MYO18A: variants seen among roughly 807,000 people sequenced by gnomAD.
The protein encoded by MYO18A is myosin XVIIIA, also known as unconventional myosin-XVIIIa.
A neutral mutation model predicts 235.8 loss-of-function variants in MYO18A; 78 were observed. That is an observed-to-expected ratio of 0.33 (90% confidence interval 0.28 to 0.40). The LOEUF is 0.40. Ranked by LOEUF, MYO18A falls within the 10% of genes least tolerant of loss-of-function variation. MYO18A has a pLI of 1.00. For synonymous variants in MYO18A, 977 were observed against 1,077.8 expected, an observed-to-expected ratio of 0.91 and a Z score of 1.83; for missense variants, 2,215 against 2,699.3, an observed-to-expected ratio of 0.82 and a Z score of 3.98.
chr17:29,124,076 T>C (rs1012068201), intron 2 of MYO18A, among the ~76,000 whole-genome samples: 1 of 151,910 alleles, frequency 6.6e-6, no homozygotes, highest in African/African-American at 2.4e-5. Context: ...TACAATGTTG[T>C]ATATATATAT....
chr17:29,129,719 C>T (rs764948483), intron 2 of MYO18A, among the ~76,000 whole-genome samples: 5 of 152,236 alleles, frequency 3.3e-5, no homozygotes, highest in African/African-American at 4.8e-5. Flanking sequence ...TCACAGTAGG[C>T]GCACCTGGGA....
chr17:29,083,177 C>G (rs1436096176), intron 40 of MYO18A, among the ~76,000 whole-genome samples: 2 of 152,164 alleles, frequency 1.3e-5, no homozygotes, highest in Non-Finnish European at 2.9e-5. Context: ...AAGTCCCACA[C>G]CAGAGCCCTG....
Position 29,086,505 on chromosome 17 carries a change from T to C in MYO18A, c.5785A>G (p.Ile1929Val), listed in dbSNP as rs781444473. Residue 1929 changes from isoleucine (I) to valine (V), a missense_variant, in exon 39 of 42, where the codon ATC (isoleucine) becomes GTC (valine). Ile to Val is a conservative substitution (Grantham distance 29). Transcript: ENST00000527372. ...TCAATGGCAGCCTGCAGGTCCCCGA[T>C]GCGCTTGAATGCCAACTTTAGGTCA... ...QADLKLAFKR[I>V]GDLQAAIEDE... 6.2e-7 allele frequency: 1 copy of C among 1,612,216 alleles called. No homozygotes were observed. The highest frequency in any genetic ancestry group is 2.2e-5 in the East Asian group (1 of 44,832).
intron 12 of MYO18A, 69 bp downstream of exon 12, chr17:29,115,595 C>A: frequency 6.6e-7 from 1 of 1,508,772 alleles, no homozygotes; most frequent in Non-Finnish European, 8.9e-7. Context: ...CCCCTCCCGC[C>A]CCAGGGATGG....
intron 10 of MYO18A, 99 bp from the exon 11 acceptor site, chr17:29,116,554 G>T: frequency 6.8e-7 from 1 of 1,463,634 alleles, no homozygotes; most frequent in Non-Finnish European, 9.6e-7. Context: ...CCGTGGGGCG[G>T]GGGTGTTGTG....
Position 29,166,793 on chromosome 17 carries a change from G to T in MYO18A, c.148C>A (p.Arg50Ser). ...GTCTTGGATTCACGCTTGGAGGAGCGGTTCAGGTTGAAGAAGCCACGTCGC... is the reference window on the plus strand; with the variant it reads ...GTCTTGGATTCACGCTTGGAGGAGCTGTTCAGGTTGAAGAAGCCACGTCGC... ...SLRRGFFNLN[R>S]SSKRESKTRL... Residue 50 changes from arginine (R) to serine (S), a missense_variant, in exon 2 of 42, where the codon CGC (arginine) becomes AGC (serine). Physicochemically the swap from Arg to Ser is moderately radical, Grantham distance 110 (BLOSUM62 -1). Transcript: ENST00000527372. 1.9e-6 allele frequency: 3 copies of T among 1,610,290 alleles called. No homozygotes were observed. Among genetic ancestry groups the T allele is most frequent in the Non-Finnish European group, 2.5e-6 (3 of 1,178,400 alleles).
intron 20 of MYO18A, among the ~76,000 whole-genome samples, chr17:29,105,920 G>A (rs984960962): frequency 6.6e-6 from 1 of 152,200 alleles, no homozygotes; most frequent in Non-Finnish European, 1.5e-5. Context: ...CTGGCGCTTC[G>A]GTGGGAGTTG....
At chr17:29,176,701 G>A (rs1411943401) in intron 1 of MYO18A, 1 of 152,232 alleles carries the variant, frequency 6.6e-6, no homozygotes, top group Non-Finnish European at 1.5e-5. Flanking sequence ...TCCAGGGGGA[G>A]CCTCCTCCCG....
chr17:29,145,346 G>C (rs1202472749), intron 2 of MYO18A, among the ~76,000 whole-genome samples: 1 of 152,200 alleles, frequency 6.6e-6, no homozygotes, highest in Non-Finnish European at 1.5e-5. Context: ...CAACTGCTCT[G>C]CTCTCCCACA....
At chr17:29,129,046 C>T (rs936602485) in intron 2 of MYO18A, 21 of 1,289,242 alleles carry the variant, frequency 1.6e-5, no homozygotes, top group African/African-American at 3.0e-5. Flanking sequence ...AACTCCAGGG[C>T]GTCCTGACCT....
At chr17:29,076,064 T>C in intron 41 of MYO18A, 1 of 157,506 alleles carries the variant, frequency 6.3e-6, no homozygotes. Flanking sequence ...AGAACCACCT[T>C]CTTAGCTTTT....
chr17:29,178,917 C>A (rs980741923), intron 1 of MYO18A, among the ~76,000 whole-genome samples: 1 of 152,198 alleles, frequency 6.6e-6, no homozygotes, highest in Non-Finnish European at 1.5e-5. Context: ...TCCAGCACAC[C>A]CCAGTGCATA....
chr17:29,158,058 T>TGCTGGGATTATAGAC lies in MYO18A; in HGVS notation c.999+7869_999+7883dup, dbSNP rs2068096694. On this transcript the variant is annotated intron_variant, in intron 2 of 41. Transcript: ENST00000527372. This position sits in a 1 kb window ranked among gnomAD's most constrained non-coding sequence, Gnocchi z 4.3. ...ATCTGCCCACCTCAGCCTCCCAAAG[T>TGCTGGGATTATAGAC]GCTGGGATTATAGACGTGAGCCACT... 6.6e-6 allele frequency among the ~76,000 whole-genome samples: 1 copy of TGCTGGGATTATAGAC among 152,154 alleles called. No homozygotes were observed. The highest frequency in any genetic ancestry group is 1.5e-5 in the Non-Finnish European group (1 of 68,026).
At chr17:29,146,687 T>A (rs2067855947) in intron 2 of MYO18A, among the ~76,000 whole-genome samples, 1 of 152,208 alleles carries the variant, frequency 6.6e-6, no homozygotes, top group Non-Finnish European at 1.5e-5. Flanking sequence ...GGCTGTGACA[T>A]TTTGCCATTA....
At chr17:29,080,724 C>A (rs1258287573) in intron 41 of MYO18A, 11 of 985,388 alleles carry the variant, frequency 1.1e-5, no homozygotes, top group Non-Finnish European at 1.3e-5. Flanking sequence ...GCTTCTGCGG[C>A]CCCCGGCCAG....
In MYO18A at chr17:29,111,536, C is replaced by T; in HGVS notation, c.2788G>A (p.Gly930Ser). Reference protein sequence around the residue: ...HSSKPHHFLLGHSHGTNWVEY... With the variant: ...HSSKPHHFLLSHSHGTNWVEY... Reference sequence around the variant, plus strand: ...ACCCAGTTGGTGCCATGGCTGTGGCCCAGGAGAAAGTGGTGTGGTTTGCTG... The same window carrying T: ...ACCCAGTTGGTGCCATGGCTGTGGCTCAGGAGAAAGTGGTGTGGTTTGCTG... Residue 930 changes from glycine to serine, a missense_variant, in exon 17 of 42, where the codon GGC becomes AGC. Physicochemically the swap from Gly to Ser is moderately conservative, Grantham distance 56. Transcript: ENST00000527372. This position sits in a 1 kb window ranked among gnomAD's most constrained non-coding sequence, Gnocchi z 5.1. 1 of 1,613,692 alleles carries T rather than the reference C, an allele frequency of 6.2e-7. No individual in the cohort carries two copies. Among genetic ancestry groups the T allele is most frequent in the Non-Finnish European group, 8.5e-7 (1 of 1,179,812 alleles).
intron 41 of MYO18A, chr17:29,080,072 G>A (rs1164587464): frequency 2.2e-4 from 218 of 985,826 alleles, no homozygotes; most frequent in South Asian, 4.7e-4. Context: ...CGCCGGCTCC[G>A]GCTCTTCCGG....
At position 29,087,045 on chromosome 17, in the gene MYO18A, C is replaced by G. The variant is rs184803151; in HGVS notation, c.5603G>C (p.Arg1868Pro). 1.4e-5 allele frequency: 22 copies of G among 1,614,020 alleles called. No individual in the cohort carries two copies. The highest frequency in any genetic ancestry group is 1.8e-5 in the Non-Finnish European group (21 of 1,179,894). Reference protein sequence around the residue: ...ERDQRIAAENREKEQNKRLQR... With the variant: ...ERDQRIAAENPEKEQNKRLQR... ...TAGCCGCTTGTTCTGTTCCTTCTCC[C>G]GGTTCTCGGCTGCAATGCGCTGATC... The change falls in exon 38 of 42, where the codon CGG becomes CCG. Residue 1868 changes from arginine to proline, a missense_variant. Physicochemically the swap from Arg to Pro is moderately radical, Grantham distance 103. Transcript: ENST00000527372.
At chr17:29,096,954 G>T in intron 27 of MYO18A, 39 bp from the exon 28 acceptor site, 1 of 1,505,234 alleles carries the variant, frequency 6.6e-7, no homozygotes. Context: ...GAGAGACCCA[G>T]AAGCATAGGT....
Sources: gnomAD v4.1 joint callset for allele counts (sites outside exome capture counted in the v4.1 genomes callset) on GRCh38, gnomAD v4.1.1 for gene constraint, Gnocchi (gnomAD v3.1) non-coding constraint, MANE v1.5 for transcripts, NCBI Gene and HGNC (gene_info 2026-07-23, HGNC 2026-07-21) for gene names.